Variants in MTA1 observed in about 807,000 individuals in gnomAD.
MTA1 encodes the protein metastasis associated 1.
A neutral mutation model predicts 97.0 loss-of-function variants in MTA1; 15 were observed. The ratio of observed to expected loss-of-function variants is 0.15; its 90% CI spans 0.10 to 0.24. The LOEUF is 0.24. MTA1 is among the 10% of genes least tolerant of loss of function. The pLI is 1.00. For synonymous variants in MTA1, 435 were observed against 417.5 expected, an observed-to-expected ratio of 1.04 and a Z score of -0.51; for missense variants, 709 against 1,015.1, an observed-to-expected ratio of 0.70 and a Z score of 4.10.
chr14:105,441,092 G>T (rs1461868225), intron 2 of MTA1, among the ~76,000 whole-genome samples: 3 of 151,806 alleles, frequency 2.0e-5, no homozygotes, highest in African/African-American at 7.3e-5. Flanking sequence ...CATGTGGCTG[G>T]CAGCGCGGAA....
rs782312427 is a variant in MTA1, at chr14:105,450,091, T to C, written c.275T>C (p.Met92Thr). Residue 92 changes from methionine to threonine, a missense_variant, in exon 5 of 21, where the codon ATG (methionine) becomes ACG (threonine). Physicochemically the swap from Met to Thr is moderately conservative, Grantham distance 81 (BLOSUM62 -1). This residue lies in a region of MTA1 where 321 missense variants were observed against 593.5 expected (regional missense o/e 0.54). Transcript: ENST00000331320. ...EIEEEMENPEMVDLPEKLKHQ... is the reference protein window; with the variant it reads ...EIEEEMENPETVDLPEKLKHQ... ...GAAGAGGAAATGGAGAACCCGGAAATGGTGGACCTGCCCGAGAAACTAAAG... is the reference window on the plus strand; with the variant it reads ...GAAGAGGAAATGGAGAACCCGGAAACGGTGGACCTGCCCGAGAAACTAAAG... 1.9e-6 allele frequency: 3 copies of C among 1,613,452 alleles called. No individual in the cohort carries two copies. Among genetic ancestry groups the C allele is most frequent in the South Asian group, 2.2e-5 (2 of 91,084 alleles).
In MTA1 at chr14:105,425,062, G is replaced by A. The variant is rs375588012; in HGVS notation, c.28+4999G>A. On this transcript the variant is annotated intron_variant, in intron 1 of 20. Coordinates refer to ENST00000331320, the MANE Select transcript of MTA1 (RefSeq NM_004689.4). ...GTGAGGCTGGGATGCCAGAGGAGGT[G>A]CCGTGTGCCTGGCCAGGTACCCGGG... Among the ~76,000 whole-genome samples, 380 of 152,268 alleles carry A rather than the reference G, an allele frequency of 2.5e-3. 3 individuals carry two copies. The highest frequency in any genetic ancestry group is 8.9e-3 in the African/African-American group (368 of 41,546).
chr14:105,450,359 G>T (rs2082875940), intron 6 of MTA1, 35 bp downstream of exon 6: 1 of 1,582,242 alleles, frequency 6.3e-7, no homozygotes, highest in Non-Finnish European at 8.6e-7. Flanking sequence ...GCCGCAGCCA[G>T]TCCCGGGCCA....
chr14:105,454,087 G>C, intron 6 of MTA1, 106 bp from the exon 7 acceptor site: 1 of 801,292 alleles, frequency 1.2e-6, no homozygotes, highest in Non-Finnish European at 2.1e-6. Flanking sequence ...CCCCACAAGA[G>C]CTCTGGGCAA....
intron 1 of MTA1, among the ~76,000 whole-genome samples, chr14:105,438,335 C>T (rs1312517315): frequency 6.6e-6 from 1 of 152,144 alleles, no homozygotes; most frequent in Non-Finnish European, 1.5e-5. Context: ...TGGGAAGCTG[C>T]CGCCTGGCCC....
intron 2 of MTA1, 37 bp downstream of exon 2, chr14:105,438,776 T>C: frequency 6.5e-7 from 1 of 1,547,826 alleles, no homozygotes; most frequent in African/African-American, 1.4e-5. Context: ...AGGGGGGTAG[T>C]GGGTGGGGGC....
rs138061279 is a variant in MTA1, at chr14:105,462,856, G to A, written c.943-328G>A. 8.5e-3 allele frequency among the ~76,000 whole-genome samples: 1,257 copies of A among 147,924 alleles called. 21 individuals are homozygous for A. The highest frequency in any genetic ancestry group is 0.029 in the African/African-American group (1,184 of 41,300). ...TGCACTCCAGCCTGGGTGACAGAGCGAGACTCCGTCTCAAAAACAAACAAA... is the reference window on the plus strand; with the variant it reads ...TGCACTCCAGCCTGGGTGACAGAGCAAGACTCCGTCTCAAAAACAAACAAA... On this transcript the variant is annotated intron_variant, in intron 10 of 20. Transcript: ENST00000331320.
intron 1 of MTA1, among the ~76,000 whole-genome samples, chr14:105,433,039 G>A (rs2082224641): frequency 6.6e-6 from 1 of 152,188 alleles, no homozygotes; most frequent in Non-Finnish European, 1.5e-5. Flanking sequence ...CTCGGGTTCA[G>A]TAATTCACTA....
At chr14:105,464,171 G>T (rs782578155) in intron 13 of MTA1, 24 bp downstream of exon 13, 1 of 1,595,874 alleles carries the variant, frequency 6.3e-7, no homozygotes. Context: ...ATGGCCGGGG[G>T]CACACCGCAC....
chr14:105,450,627 G>T (rs1276838078), intron 6 of MTA1, among the ~76,000 whole-genome samples: 1 of 152,184 alleles, frequency 6.6e-6, no homozygotes, highest in Non-Finnish European at 1.5e-5. Flanking sequence ...TGAGGCAGGT[G>T]GGGGCAGGGG....
chr14:105,419,889 G>A lies in MTA1; in HGVS notation c.-147G>A. On this transcript the variant is annotated 5_prime_UTR_variant, in exon 1 of 21. Coordinates refer to ENST00000331320, the MANE Select transcript of MTA1 (RefSeq NM_004689.4). Reference sequence around the variant, plus strand: ...CTGCGCGGCCTCGGCGGCCTCGGCGGCGGCGGCGGCGGCGGCGGCGGCAGC... The same window carrying A: ...CTGCGCGGCCTCGGCGGCCTCGGCGACGGCGGCGGCGGCGGCGGCGGCAGC... 1 of 201,866 alleles carries A rather than the reference G, an allele frequency of 5.0e-6. No homozygotes were observed. The highest frequency in any genetic ancestry group is 8.6e-6 in the Non-Finnish European group (1 of 116,616). 12.5% of individuals were successfully genotyped at this position (201,866 alleles called of 1,614,324 possible).
chr14:105,438,822 G>C, intron 2 of MTA1, 83 bp downstream of exon 2: 1 of 1,457,442 alleles, frequency 6.9e-7, no homozygotes, highest in Non-Finnish European at 9.6e-7. Flanking sequence ...GCCAGTGTGG[G>C]TGGCCCCCTT....
intron 18 of MTA1, chr14:105,468,368 A>G: frequency 7.7e-7 from 1 of 1,303,930 alleles, no homozygotes; most frequent in Non-Finnish European, 1.0e-6. Flanking sequence ...TTTTTGTGCT[A>G]CTGGCCAGCC....
chr14:105,464,790 T>C lies in MTA1; in HGVS notation c.1461T>C (p.Arg487=). The C allele has an allele frequency of 6.2e-7, 1 of 1,604,466 alleles. No homozygotes were observed. The highest frequency in any genetic ancestry group is 1.1e-5 in the South Asian group (1 of 90,872). Residue 487 remains arginine, a synonymous_variant, in exon 15 of 21, where the codon CGT becomes CGC. Transcript: ENST00000331320. ...KLTRIARRLC[R]EILRPWHAAR... is the part of the protein sequence containing the mutation. ...CGCGGATCGCCCGGCGCCTGTGCCGTGAGATCCTGCGCCCGTGGCACGCTG... is the reference window on the plus strand; with the variant it reads ...CGCGGATCGCCCGGCGCCTGTGCCGCGAGATCCTGCGCCCGTGGCACGCTG...
Position 105,420,014 on chromosome 14 carries a change from C to G in MTA1, c.-22C>G. Reference sequence around the variant, plus strand: ...CGAGCGCCGCGCCCGCCCCGGGCCCCTCCGCCGCCGCCGGCCCGGACATGG... The same window carrying G: ...CGAGCGCCGCGCCCGCCCCGGGCCCGTCCGCCGCCGCCGGCCCGGACATGG... On this transcript the variant is annotated 5_prime_UTR_variant, in exon 1 of 21. Transcript: ENST00000331320. This position sits in a 1 kb window ranked among gnomAD's most constrained non-coding sequence, Gnocchi z 5.3. 1 of 1,057,774 alleles carries G rather than the reference C, an allele frequency of 9.5e-7. No homozygotes were observed. The highest frequency in any genetic ancestry group is 1.1e-6 in the Non-Finnish European group (1 of 874,090). The allele number at this position is 1,057,774 out of a possible 1,614,324, so 65.5% of individuals were successfully genotyped here.
At chr14:105,434,215 G>A (rs1161179015) in intron 1 of MTA1, among the ~76,000 whole-genome samples, 1 of 152,156 alleles carries the variant, frequency 6.6e-6, no homozygotes, top group African/African-American at 2.4e-5. Flanking sequence ...ACAGCCTGGA[G>A]TATTGACTAT....
At position 105,449,400 on chromosome 14, in the gene MTA1, G is replaced by A. The variant is rs782756415; in HGVS notation, c.232G>A (p.Gly78Ser). 1.6e-5 allele frequency: 26 copies of A among 1,611,770 alleles called. No homozygotes were observed. Among genetic ancestry groups the A allele is most frequent in the Non-Finnish European group, 1.8e-5 (21 of 1,179,230 alleles). Residue 78 changes from glycine to serine, a missense_variant, in exon 4 of 21, where the codon GGC becomes AGC. Transcript: ENST00000331320. ...TAAGGCCGGACCGGGGGCGGACAACGGCGAGGAAGGTAAGAGCCGGCCTCC... is the reference window on the plus strand; with the variant it reads ...TAAGGCCGGACCGGGGGCGGACAACAGCGAGGAAGGTAAGAGCCGGCCTCC... ...CYKAGPGADN[G>S]EEGEIEEEME... is the part of the protein sequence containing the mutation.
In MTA1 at chr14:105,463,751, T is replaced by C; in HGVS notation, c.1076+200T>C. On this transcript the variant is annotated intron_variant, in intron 12 of 20. Transcript: ENST00000331320. This position sits in a 1 kb window ranked among gnomAD's most constrained non-coding sequence, Gnocchi z 5.9. ...CCATGTCTCTGTCGTCCTGGCCTCC[T>C]GGTCAGTAAGGGGGCATTGGGATTC... The C allele has an allele frequency of 1.6e-6, 1 of 626,562 alleles. No individual in the cohort carries two copies. The highest frequency in any genetic ancestry group is 1.9e-5 in the South Asian group (1 of 52,154). The allele number at this position is 626,562 out of a possible 1,614,324, so 38.8% of individuals were successfully genotyped here.
At position 105,470,445 on chromosome 14, in the gene MTA1, G is replaced by A. The variant is rs775795036; in HGVS notation, c.*230G>A. ...TAGCTTTGTGTTTACTTTTTGGCTGGAGCGGAGATGAGGGGCCACCCCGTG... is the reference window on the plus strand; with the variant it reads ...TAGCTTTGTGTTTACTTTTTGGCTGAAGCGGAGATGAGGGGCCACCCCGTG... On this transcript the variant is annotated 3_prime_UTR_variant, in exon 21 of 21. Coordinates refer to ENST00000331320, the MANE Select transcript of MTA1 (RefSeq NM_004689.4). The A allele has an allele frequency of 2.1e-6, 1 of 466,008 alleles. No homozygotes were observed. Among genetic ancestry groups the A allele is most frequent in the Non-Finnish European group, 3.7e-6 (1 of 269,570 alleles). The allele number at this position is 466,008 out of a possible 1,614,324, so 28.9% of individuals were successfully genotyped here. A position where few individuals can be genotyped will look rare whatever the true frequency, so the allele number is the denominator to read the frequency against.
Sources: allele counts gnomAD v4.1 joint callset (sites outside exome capture counted in the v4.1 genomes callset), GRCh38; gene constraint gnomAD v4.1.1; regional missense constraint gnomAD v4.1.1; non-coding constraint Gnocchi (gnomAD v3.1); transcripts MANE v1.5; gene names NCBI Gene and HGNC (gene_info 2026-07-23, HGNC 2026-07-21).